Variants in USP31 observed in about 807,000 individuals in gnomAD.
USP31 encodes the protein ubiquitin specific peptidase 31.
Under a neutral mutation model 119.4 loss-of-function variants are expected in USP31, and 44 were observed. The ratio of observed to expected loss-of-function variants is 0.37; its 90% CI spans 0.29 to 0.47. The LOEUF is 0.47. USP31 is among the 20% of genes least tolerant of loss of function. The probability of loss-of-function intolerance (pLI) is 0.99; values close to 1 mark genes in which losing one functional copy is unlikely to be tolerated. For missense variants in USP31, 1,643 were observed against 1,730.2 expected (o/e 0.95, Z 0.89); for synonymous variants, 749 against 705.6 (o/e 1.06, Z -0.97).
Position 23,102,383 on chromosome 16 carries a change from G to A in USP31, c.1170C>T (p.Ser390=), listed in dbSNP as rs758172991. The change falls in exon 6 of 16, where the codon AGC becomes AGT. Residue 390 remains serine, a synonymous_variant. Coordinates refer to ENST00000219689, the MANE Select transcript of USP31 (RefSeq NM_020718.4). The stretch of plus-strand genomic sequence containing the variant: ...GAGTCTCAAAGGCAAAAATGCAGTC[G>A]CTTTCATGGACTGTTTCCAGGTCGT... ...DTDDLETVHE[S]DCIFAFETPE... is the part of the protein sequence containing the mutation. 1.9e-5 allele frequency: 30 copies of A among 1,613,704 alleles called. No homozygotes were observed. In the East Asian group the frequency reaches 2.0e-4, roughly 11 times the overall value.
chr16:23,088,516 A>C (rs1901214173), intron 7 of USP31, among the ~76,000 whole-genome samples: 1 of 152,182 alleles, frequency 6.6e-6, no homozygotes, highest in African/African-American at 2.4e-5. Flanking sequence ...CCACTATCCT[A>C]GCCTCAACTC....
intron 1 of USP31, among the ~76,000 whole-genome samples, chr16:23,135,220 C>T (rs1903153886): frequency 6.6e-6 from 1 of 151,128 alleles, no homozygotes; most frequent in African/African-American, 2.4e-5. Flanking sequence ...ATAAAAAAGC[C>T]CCCAGCTAAC....
In USP31 at chr16:23,067,251, G is replaced by C. The variant is rs1459465175; in HGVS notation, c.*795C>G. On this transcript the variant is annotated 3_prime_UTR_variant, in exon 16 of 16. Transcript: ENST00000219689. Reference sequence around the variant, plus strand: ...GGAAAAAAAATTAAACGAGTGACTGGCTTTCTGGCTATCCAATCTGCCACT... The same window carrying C: ...GGAAAAAAAATTAAACGAGTGACTGCCTTTCTGGCTATCCAATCTGCCACT... 1 of 152,686 alleles carries C rather than the reference G, an allele frequency of 6.5e-6. No individual in the cohort carries two copies. The highest frequency in any genetic ancestry group is 2.4e-5 in the African/African-American group (1 of 41,452). The allele number at this position is 152,686 out of a possible 1,614,324, so 9.5% of individuals were successfully genotyped here. A position where few individuals can be genotyped will look rare whatever the true frequency, so the allele number is the denominator to read the frequency against.
intron 13 of USP31, among the ~76,000 whole-genome samples, chr16:23,076,251 A>G: frequency 6.6e-6 from 1 of 151,810 alleles, no homozygotes. Context: ...CAACCTGCAC[A>G]TCCTGAACAC....
chr16:23,127,408 T>C (rs1902894096), intron 1 of USP31, among the ~76,000 whole-genome samples: 1 of 151,808 alleles, frequency 6.6e-6, no homozygotes. Flanking sequence ...GACAGAGCAA[T>C]ATTCTATCTC....
At position 23,141,302 on chromosome 16, in the gene USP31, C is replaced by A. The variant is rs564093315; in HGVS notation, c.633+7336G>T. ...CTCTTTCCAACTATAGCGCCTTCTG[C>A]ATTTTATTCTTCCTGCCTGGTCACA... On this transcript the variant is annotated intron_variant, in intron 1 of 15. Coordinates refer to ENST00000219689, the MANE Select transcript of USP31 (RefSeq NM_020718.4). Among the ~76,000 whole-genome samples, 5 of 152,244 alleles carry A rather than the reference C, an allele frequency of 3.3e-5. No homozygotes were observed. In the East Asian group the frequency reaches 9.6e-4, roughly 29 times the overall value.
intron 1 of USP31, among the ~76,000 whole-genome samples, chr16:23,146,457 G>A (rs1364727787): frequency 6.6e-6 from 1 of 152,066 alleles, no homozygotes; most frequent in Non-Finnish European, 1.5e-5. Context: ...GAACACAGGA[G>A]GCAGAGGTTG....
chr16:23,099,438 T>C (rs895399623), intron 6 of USP31, among the ~76,000 whole-genome samples: 1 of 152,190 alleles, frequency 6.6e-6, no homozygotes, highest in East Asian at 1.9e-4. Context: ...AGAACTAGAA[T>C]TACCATTTGA....
At chr16:23,074,689 A>G (rs1253315900) in intron 13 of USP31, among the ~76,000 whole-genome samples, 4 of 152,196 alleles carry the variant, frequency 2.6e-5, no homozygotes, top group African/African-American at 9.6e-5. Flanking sequence ...TGGCAGACTG[A>G]GAACACATGA....
intron 13 of USP31, among the ~76,000 whole-genome samples, chr16:23,078,385 G>T (rs1900677791): frequency 6.6e-6 from 1 of 151,884 alleles, no homozygotes; most frequent in Non-Finnish European, 1.5e-5. Context: ...ACAATACTAG[G>T]CGTGAAGATG....
At chr16:23,133,244 T>C (rs1023264128) in intron 1 of USP31, among the ~76,000 whole-genome samples, 4 of 152,166 alleles carry the variant, frequency 2.6e-5, no homozygotes, top group Non-Finnish European at 5.9e-5. Context: ...AGTCCTCAAG[T>C]GAGGTCTGAC....
At chr16:23,089,926 A>C in intron 7 of USP31, among the ~76,000 whole-genome samples, 1 of 152,218 alleles carries the variant, frequency 6.6e-6, no homozygotes, top group Admixed American at 6.5e-5. Flanking sequence ...ATAAGACATA[A>C]GTTCAATTTG....
chr16:23,097,451 G>A (rs1596707319), intron 6 of USP31, among the ~76,000 whole-genome samples: 1 of 152,190 alleles, frequency 6.6e-6, no homozygotes, highest in African/African-American at 2.4e-5. Context: ...CAGAAAAAGA[G>A]GGAATCCTCC....
Position 23,116,620 on chromosome 16 carries a change from A to G in USP31, c.634-8437T>C, listed in dbSNP as rs186426755. ...TCTCCTCTGAGGGGAGAGGAGACAA[A>G]TAAGACTGAGAGGCCCCTAATATTT... On this transcript the variant is annotated intron_variant, in intron 1 of 15. Transcript: ENST00000219689. 4.7e-3 allele frequency among the ~76,000 whole-genome samples: 723 copies of G among 152,310 alleles called. 4 individuals carry two copies. The highest frequency in any genetic ancestry group is 0.014 in the Middle Eastern group (4 of 294).
At chr16:23,082,926 G>A (rs1388068530) in intron 11 of USP31, among the ~76,000 whole-genome samples, 1 of 146,390 alleles carries the variant, frequency 6.8e-6, no homozygotes, top group Non-Finnish European at 1.5e-5. Context: ...CACCCATCAG[G>A]CTCAAGTGAT....
In USP31 at chr16:23,066,651, T is replaced by C. The variant is rs1224127613; in HGVS notation, c.*1395A>G. ...AGAGAGAATCAAGACCTTCACTCTC[T>C]TGACATTTAAAAAAAAAAGAAAAGC... On this transcript the variant is annotated 3_prime_UTR_variant, in exon 16 of 16. Coordinates refer to ENST00000219689, the MANE Select transcript of USP31 (RefSeq NM_020718.4). 4 of 152,100 alleles carry C rather than the reference T, an allele frequency of 2.6e-5. No individual in the cohort carries two copies. Among genetic ancestry groups the C allele is most frequent in the Non-Finnish European group, 5.9e-5 (4 of 68,038 alleles). The allele number at this position is 152,100 out of a possible 1,614,324, so 9.4% of individuals were successfully genotyped here. A position where few individuals can be genotyped will look rare whatever the true frequency, so the allele number is the denominator to read the frequency against.
intron 13 of USP31, among the ~76,000 whole-genome samples, chr16:23,075,471 G>T (rs1900527341): frequency 1.3e-5 from 2 of 152,064 alleles, no homozygotes; most frequent in African/African-American, 4.8e-5. Context: ...TTTCTTCCTA[G>T]AACTACTTTC....
intron 1 of USP31, among the ~76,000 whole-genome samples, chr16:23,141,042 C>A (rs1371732554): frequency 6.6e-6 from 1 of 152,218 alleles, no homozygotes; most frequent in Non-Finnish European, 1.5e-5. Flanking sequence ...CCCAGAATAA[C>A]CACTTCACAT....
intron 11 of USP31, among the ~76,000 whole-genome samples, chr16:23,082,773 G>A (rs1481903992): frequency 6.6e-6 from 1 of 151,360 alleles, no homozygotes; most frequent in Admixed American, 6.6e-5. Flanking sequence ...CCTCAAAGAG[G>A]AACGACTAAA....
Sources: allele counts gnomAD v4.1 joint callset (sites outside exome capture counted in the v4.1 genomes callset), GRCh38; gene constraint gnomAD v4.1.1; transcripts MANE v1.5; gene names NCBI Gene and HGNC (gene_info 2026-07-23, HGNC 2026-07-21).